Variants in VWA8 observed in about 807,000 individuals in gnomAD.
The protein encoded by VWA8 is von Willebrand factor A domain-containing protein 8.
In VWA8, 221 loss-of-function variants were observed where a neutral mutation model predicts 241.5. That is an observed-to-expected ratio of 0.91 (90% CI 0.82 to 1.02). VWA8 has a LOEUF of 1.02. VWA8 is among the 50% of genes least tolerant of loss of function. VWA8 has a pLI of 0.00. For synonymous variants in VWA8, 852 were observed against 827.1 expected, an observed-to-expected ratio of 1.03 and a Z score of -0.52; for missense variants, 2,322 against 2,328.7, an observed-to-expected ratio of 1.00 and a Z score of 0.06.
intron 35 of VWA8, among the ~76,000 whole-genome samples, chr13:41,679,537 A>C (rs1189671364): frequency 6.6e-6 from 1 of 152,194 alleles, no homozygotes; most frequent in Non-Finnish European, 1.5e-5. Context: ...GTGTTTAAAG[A>C]GCTCAGACCT....
At chr13:41,804,938 T>G (rs1870117686) in intron 17 of VWA8, among the ~76,000 whole-genome samples, 1 of 151,850 alleles carries the variant, frequency 6.6e-6, no homozygotes, top group Admixed American at 6.6e-5. Context: ...AGCAAGAAAT[T>G]AAAACACACC....
chr13:41,578,840 C>T (rs2044365775), intron 42 of VWA8, among the ~76,000 whole-genome samples: 2 of 152,242 alleles, frequency 1.3e-5, no homozygotes, highest in Admixed American at 1.3e-4. Context: ...AAATATTAAG[C>T]CACAGTAGTA....
chr13:41,720,407 T>C (rs2045380143), intron 25 of VWA8, among the ~76,000 whole-genome samples: 1 of 152,178 alleles, frequency 6.6e-6, no homozygotes, highest in Non-Finnish European at 1.5e-5. Flanking sequence ...TCTTTCCATA[T>C]ATTTTTAATT....
intron 2 of VWA8, among the ~76,000 whole-genome samples, chr13:41,941,219 T>G (rs779018414): frequency 6.6e-6 from 1 of 152,204 alleles, no homozygotes; most frequent in Non-Finnish European, 1.5e-5. Flanking sequence ...ATCTATTAAA[T>G]CCTTAAAGCT....
intron 22 of VWA8, among the ~76,000 whole-genome samples, chr13:41,731,241 C>T (rs892319533): frequency 2.0e-5 from 3 of 151,904 alleles, no homozygotes; most frequent in African/African-American, 7.3e-5. Context: ...TTATTTGTGC[C>T]ATTACTGCAA....
chr13:41,624,573 C>A (rs2044676923), intron 37 of VWA8, among the ~76,000 whole-genome samples: 1 of 152,066 alleles, frequency 6.6e-6, no homozygotes, highest in South Asian at 2.1e-4. Flanking sequence ...AAAACGAAAA[C>A]CACATGATCA....
intron 18 of VWA8, among the ~76,000 whole-genome samples, chr13:41,784,741 T>TACACAC (rs1869098294): frequency 3.0e-5 from 2 of 67,446 alleles, no homozygotes; most frequent in Admixed American, 4.1e-4. Context: ...CACACACATA[T>TACACAC]ATATATATAT....
At chr13:41,880,334 T>A (rs1874108990) in intron 9 of VWA8, among the ~76,000 whole-genome samples, 2 of 152,142 alleles carry the variant, frequency 1.3e-5, no homozygotes, top group African/African-American at 4.8e-5. Flanking sequence ...TCTGAACAAT[T>A]TGAGAGTAAG....
At chr13:41,668,196 G>A (rs117842164) in intron 37 of VWA8, among the ~76,000 whole-genome samples, 3,361 of 152,230 alleles carry the variant, frequency 0.022, 104 homozygotes, top group Admixed American at 0.095. Context: ...GTGGTGGATG[G>A]CATGGCAGGT....
intron 5 of VWA8, among the ~76,000 whole-genome samples, chr13:41,889,575 T>A (rs1874723581): frequency 2.0e-5 from 3 of 152,008 alleles, no homozygotes; most frequent in Admixed American, 2.0e-4. Flanking sequence ...AACGAGGTTT[T>A]ACCATGTTGG....
intron 35 of VWA8, among the ~76,000 whole-genome samples, chr13:41,682,521 G>C (rs2137809271): frequency 6.6e-6 from 1 of 152,152 alleles, no homozygotes; most frequent in East Asian, 1.9e-4. Flanking sequence ...CTACACTAAA[G>C]AACACTCAAG....
At chr13:41,815,193 C>A (rs1355708883) in intron 16 of VWA8, among the ~76,000 whole-genome samples, 1 of 152,086 alleles carries the variant, frequency 6.6e-6, no homozygotes, top group Non-Finnish European at 1.5e-5. Context: ...AACAAAGACA[C>A]CACTGTAGCT....
intron 7 of VWA8, 25 bp from the exon 8 acceptor site, chr13:41,886,053 T>G: frequency 1.4e-6 from 2 of 1,433,692 alleles, no homozygotes; most frequent in Non-Finnish European, 1.9e-6. Flanking sequence ...ATATTAAATT[T>G]TAATAGTTTT....
At chr13:41,740,455 T>G (rs950657832) in intron 21 of VWA8, among the ~76,000 whole-genome samples, 2 of 152,202 alleles carry the variant, frequency 1.3e-5, no homozygotes, top group African/African-American at 4.8e-5. Context: ...TTCAGGAAAC[T>G]GGGTTGAACT....
At chr13:41,670,404 T>C (rs1186687882) in intron 37 of VWA8, among the ~76,000 whole-genome samples, 1 of 151,826 alleles carries the variant, frequency 6.6e-6, no homozygotes, top group African/African-American at 2.4e-5. Context: ...TTCCCATATT[T>C]TTCTCCAGTG....
chr13:41,886,724 G>C, intron 7 of VWA8, 57 bp downstream of exon 7: 2 of 1,396,498 alleles, frequency 1.4e-6, no homozygotes, highest in South Asian at 1.3e-5. Context: ...ATCAATCAAT[G>C]AACAGGCAAA....
rs117025444 is a variant in VWA8, at chr13:41,803,937, C to T, written c.2063+7288G>A. Among the ~76,000 whole-genome samples, 122 of 152,054 alleles carry T rather than the reference C, an allele frequency of 8.0e-4. 1 individual carries two copies. Among genetic ancestry groups the T allele is most frequent in the Non-Finnish European group, 1.4e-3 (96 of 67,956 alleles). On this transcript the variant is annotated intron_variant, in intron 17 of 44. Transcript: ENST00000379310. ...TCTGTCAACAGCAAAATTGATCAAG[C>T]AAAAGAAACAATTAGTAAGCTTGAA...
intron 43 of VWA8, among the ~76,000 whole-genome samples, chr13:41,572,158 C>G (rs1432283911): frequency 6.6e-6 from 1 of 151,964 alleles, no homozygotes; most frequent in Non-Finnish European, 1.5e-5. Flanking sequence ...TGGCAGCCGC[C>G]CCGTCCGGGA....
chr13:41,573,474 T>TAAAAAA (rs543021636), intron 43 of VWA8, among the ~76,000 whole-genome samples: 8 of 126,714 alleles, frequency 6.3e-5, no homozygotes, highest in African/African-American at 2.7e-4. Flanking sequence ...GGCTATAGTT[T>TAAAAAA]AAAAAAAAAA....
Sources: allele counts gnomAD v4.1 joint callset (sites outside exome capture counted in the v4.1 genomes callset), GRCh38; gene constraint gnomAD v4.1.1; transcripts MANE v1.5; gene names NCBI Gene and HGNC (gene_info 2026-07-23, HGNC 2026-07-21).